The following PCDHGA5 variants were observed in gnomAD, a reference collection of about 807,000 sequenced individuals.
PCDHGA5 encodes the protein protocadherin gamma-A5.
Under a neutral mutation model 56.7 loss-of-function variants are expected in PCDHGA5, and 36 were observed. The ratio of observed to expected loss-of-function variants is 0.64; its 90% confidence interval spans 0.49 to 0.84. PCDHGA5 has a LOEUF of 0.84. Among genes scored for constraint, PCDHGA5 ranks in the 40% least tolerant of loss-of-function variants. The pLI, the probability that PCDHGA5 is intolerant of heterozygous loss-of-function variation, is 0.00. For missense variants in PCDHGA5, 1,305 were observed against 1,201.5 expected (o/e 1.09, Z -1.27); for synonymous variants, 563 against 520.2 (o/e 1.08, Z -1.12).
Position 141,432,155 on chromosome 5 carries a change from C to T in PCDHGA5, c.2422-62652C>T, listed in dbSNP as rs368480052. 3.8e-5 allele frequency: 62 copies of T among 1,614,178 alleles called. No individual in the cohort carries two copies. In the African/African-American group the frequency reaches 7.1e-4, roughly 18 times the overall value. On this transcript the variant is annotated intron_variant, in intron 1 of 3. Coordinates refer to ENST00000518069, the MANE Select transcript of PCDHGA5 (RefSeq NM_018918.3). This position sits in a 1 kb window ranked among gnomAD's most constrained non-coding sequence, Gnocchi z 6.0. ...TTCCGCTTATATCCCAGAGAACAATCCCAGAGGAGTTTCCCTCGTCTCTGT... is the reference window on the plus strand; with the variant it reads ...TTCCGCTTATATCCCAGAGAACAATTCCAGAGGAGTTTCCCTCGTCTCTGT...
rs747671382 is a variant in PCDHGA5 at position 141,444,152 on chromosome 5, A to ATTTTTTTTTT, written c.2422-50628_2422-50619dup. 1.8e-4 allele frequency among the ~76,000 whole-genome samples: 6 copies of ATTTTTTTTTT among 33,898 alleles called. 2 individuals are homozygous for ATTTTTTTTTT. Among genetic ancestry groups the ATTTTTTTTTT allele is most frequent in the Non-Finnish European group, 3.1e-4 (6 of 19,312 alleles). The allele number at this position is 33,898 out of a possible 152,430, so 22.2% of individuals were successfully genotyped here. A position where few individuals can be genotyped will look rare whatever the true frequency, so the allele number is the denominator to read the frequency against. On this transcript the variant is annotated intron_variant, in intron 1 of 3. Coordinates refer to ENST00000518069, the MANE Select transcript of PCDHGA5 (RefSeq NM_018918.3). ...GATATGTGTCACTTGTGTGTACTGG[A>ATTTTTTTTTT]TTTTTTTTTTTTTTTTTTTTTTTTT...
intron 2 of PCDHGA5, among the ~76,000 whole-genome samples, chr5:141,502,866 C>CTTTTTCTT (rs2099816520): frequency 1.6e-5 from 2 of 128,030 alleles, no homozygotes; most frequent in African/African-American, 6.2e-5. Flanking sequence ...GACTCTCTGT[C>CTTTTTCTT]TTTTTTTTTT....
At chr5:141,371,313 C>A in intron 1 of PCDHGA5, 2 of 1,613,964 alleles carry the variant, frequency 1.2e-6, no homozygotes, top group South Asian at 1.1e-5. Flanking sequence ...TATTGGAGAA[C>A]TGGACTTTGA....
rs760575047 is a variant in PCDHGA5 at position 141,493,887 on chromosome 5, G to A, written c.2422-920G>A. Among the ~76,000 whole-genome samples the A allele has an allele frequency of 1.3e-5, 2 of 152,184 alleles. No individual in the cohort carries two copies. The highest frequency in any genetic ancestry group is 2.4e-5 in the African/African-American group (1 of 41,448). On this transcript the variant is annotated intron_variant, in intron 1 of 3. Coordinates refer to ENST00000518069, the MANE Select transcript of PCDHGA5 (RefSeq NM_018918.3). The surrounding 1 kb of genome is among the most constrained non-coding windows in gnomAD (Gnocchi z 4.3). Reference sequence around the variant, plus strand: ...AGAACCAGTGAGGAGGTGGCTCTAGGAGTGCTCCATGAGAGTGTGTGATGG... The same window carrying A: ...AGAACCAGTGAGGAGGTGGCTCTAGAAGTGCTCCATGAGAGTGTGTGATGG...
chr5:141,434,948 T>C (rs1486185815), intron 1 of PCDHGA5, among the ~76,000 whole-genome samples: 1 of 151,828 alleles, frequency 6.6e-6, no homozygotes, highest in East Asian at 1.9e-4. Flanking sequence ...ATATAATTTA[T>C]TAACAATTTA....
intron 1 of PCDHGA5, among the ~76,000 whole-genome samples, chr5:141,449,674 TA>T (rs2154562752): frequency 6.6e-6 from 1 of 151,604 alleles, no homozygotes; most frequent in African/African-American, 2.4e-5. Context: ...AGTGTGTATG[TA>T]TATATGTTTG....
Position 141,491,262 on chromosome 5 carries a change from G to A in PCDHGA5, c.2422-3545G>A. ...TGGAGGATGAGGACCCTGAGGAAATGCCCAAATCCAGTGACTTCCTCATAC... is the reference window on the plus strand; with the variant it reads ...TGGAGGATGAGGACCCTGAGGAAATACCCAAATCCAGTGACTTCCTCATAC... On this transcript the variant is annotated intron_variant, in intron 1 of 3. Transcript: ENST00000518069. The surrounding 1 kb of genome is among the most constrained non-coding windows in gnomAD (Gnocchi z 6.9). 2 of 1,614,122 alleles carry A rather than the reference G, an allele frequency of 1.2e-6. No individual in the cohort carries two copies. Among genetic ancestry groups the A allele is most frequent in the Non-Finnish European group, 1.7e-6 (2 of 1,179,952 alleles).
chr5:141,434,474 A>G (rs979175338), intron 1 of PCDHGA5, among the ~76,000 whole-genome samples: 2 of 152,222 alleles, frequency 1.3e-5, no homozygotes, highest in Non-Finnish European at 2.9e-5. Context: ...GAATGAGGGC[A>G]AGGAACACCT....
chr5:141,408,105 G>A (rs566753835), intron 1 of PCDHGA5: 22 of 1,439,788 alleles, frequency 1.5e-5, no homozygotes, highest in Admixed American at 8.2e-5. Context: ...TCCGAGACCC[G>A]GGACTCCTCC....
chr5:141,507,554 A>C (rs1384910590), intron 3 of PCDHGA5, among the ~76,000 whole-genome samples: 2 of 152,258 alleles, frequency 1.3e-5, no homozygotes, highest in African/African-American at 4.8e-5. Context: ...TGAAAGTGGC[A>C]GGCGGCTGGG....
rs761347005 is a variant in PCDHGA5, at chr5:141,417,873, G to A, written c.2421+51122G>A. On this transcript the variant is annotated intron_variant, in intron 1 of 3. Coordinates refer to ENST00000518069, the MANE Select transcript of PCDHGA5 (RefSeq NM_018918.3). The stretch of plus-strand genomic sequence containing the variant: ...CCCGAGCGAACGATGGGAGGGAGCT[G>A]CGCGCAGAGGCGCCGGGCCGGCCCG... 4.2e-5 allele frequency: 65 copies of A among 1,555,230 alleles called. 2 individuals are homozygous for A. The Middle Eastern group carries it at 6.4e-3, about 152-fold the overall frequency.
Position 141,485,605 on chromosome 5 carries a change from G to A in PCDHGA5, c.2422-9202G>A. On this transcript the variant is annotated intron_variant, in intron 1 of 3. Transcript: ENST00000518069. This position sits in a 1 kb window ranked among gnomAD's most constrained non-coding sequence, Gnocchi z 5.7. The stretch of plus-strand genomic sequence containing the variant: ...AGCAGCTGGACTTGGAAATTGGGGA[G>A]GCAGCTCCTCCAGGACAGCGTTTCC... 6.2e-7 allele frequency: 1 copy of A among 1,612,448 alleles called. No homozygotes were observed. Among genetic ancestry groups the A allele is most frequent in the Non-Finnish European group, 8.5e-7 (1 of 1,178,750 alleles).
At chr5:141,500,475 C>T (rs1193752670) in intron 2 of PCDHGA5, among the ~76,000 whole-genome samples, 1 of 152,024 alleles carries the variant, frequency 6.6e-6, no homozygotes, top group African/African-American at 2.4e-5. Flanking sequence ...TCCCAAAGTG[C>T]TGGGATTACA....
intron 1 of PCDHGA5, among the ~76,000 whole-genome samples, chr5:141,429,664 ATTATT>A (rs2097234085): frequency 6.6e-6 from 1 of 152,214 alleles, no homozygotes; most frequent in Non-Finnish European, 1.5e-5. Context: ...TTTAAAATAT[ATTATT>A]TTATTTTATG....
At chr5:141,478,236 TCA>T in intron 1 of PCDHGA5, 3 of 1,614,156 alleles carry the variant, frequency 1.9e-6, no homozygotes, top group Non-Finnish European at 2.5e-6. Flanking sequence ...GGGTTTGTGG[TCA>T]CAGTGTTCGG....
intron 1 of PCDHGA5, among the ~76,000 whole-genome samples, chr5:141,475,007 G>A (rs1017671344): frequency 2.0e-5 from 3 of 152,178 alleles, no homozygotes; most frequent in East Asian, 1.9e-4. Flanking sequence ...ATGCAGAAAA[G>A]TTAAGGCTCT....
At chr5:141,388,635 C>G (rs1441074974) in intron 1 of PCDHGA5, 7 of 1,613,896 alleles carry the variant, frequency 4.3e-6, no homozygotes, top group Non-Finnish European at 5.9e-6. Context: ...CAGGGTGAGC[C>G]TTTCAGAAAA....
chr5:141,485,172 C>T lies in PCDHGA5; in HGVS notation c.2422-9635C>T, dbSNP rs377648315. 3.9e-5 allele frequency: 62 copies of T among 1,610,044 alleles called. No individual in the cohort carries two copies. The highest frequency in any genetic ancestry group is 5.1e-5 in the Non-Finnish European group (60 of 1,176,944). On this transcript the variant is annotated intron_variant, in intron 1 of 3. Coordinates refer to ENST00000518069, the MANE Select transcript of PCDHGA5 (RefSeq NM_018918.3). The surrounding 1 kb of genome is among the most constrained non-coding windows in gnomAD (Gnocchi z 5.7). ...CAAGTAGAGAATTAGCGGGCGGCAGCAATGCTCCGCAAGGTGAGAAGCTGG... is the reference window on the plus strand; with the variant it reads ...CAAGTAGAGAATTAGCGGGCGGCAGTAATGCTCCGCAAGGTGAGAAGCTGG...
intron 1 of PCDHGA5, chr5:141,370,885 T>C: frequency 9.9e-6 from 16 of 1,613,994 alleles, no homozygotes; most frequent in Non-Finnish European, 1.4e-5. Context: ...GATGTAGGTG[T>C]CAATTCGCTG....
Sources: gnomAD v4.1 joint callset for allele counts (sites outside exome capture counted in the v4.1 genomes callset) on GRCh38, gnomAD v4.1.1 for gene constraint, Gnocchi (gnomAD v3.1) non-coding constraint, MANE v1.5 for transcripts, NCBI Gene and HGNC (gene_info 2026-07-23, HGNC 2026-07-21) for gene names.